CD2AP: variants seen among roughly 807,000 people sequenced by gnomAD.
The protein encoded by CD2AP is CD2 associated protein.
CD2AP carries 46 observed loss-of-function variants against 85.1 expected under a neutral mutation model. That is an observed-to-expected ratio of 0.54 (90% confidence interval 0.43 to 0.69). The LOEUF (loss-of-function observed/expected upper bound fraction) is 0.69. Among genes scored for constraint, CD2AP ranks in the 30% least tolerant of loss-of-function variants. The probability of loss-of-function intolerance (pLI) is 0.00; values close to 1 mark genes in which losing one functional copy is unlikely to be tolerated. For synonymous variants in CD2AP, 255 were observed against 252.9 expected, an observed-to-expected ratio of 1.01 and a Z score of -0.08; for missense variants, 769 against 729.5, an observed-to-expected ratio of 1.05 and a Z score of -0.62.
chr6:47,483,528 G>C (rs1031919784), intron 1 of CD2AP, among the ~76,000 whole-genome samples: 1 of 152,148 alleles, frequency 6.6e-6, no homozygotes, highest in Admixed American at 6.5e-5. Context: ...GTGGGTATTT[G>C]CAGGAACAAA....
At chr6:47,546,182 C>T (rs181205331) in intron 4 of CD2AP, among the ~76,000 whole-genome samples, 13 of 151,848 alleles carry the variant, frequency 8.6e-5, no homozygotes, top group Non-Finnish European at 1.6e-4. Flanking sequence ...CTTCAGGAAA[C>T]AATGGATGCA....
chr6:47,500,170 T>TGGGA (rs767366553), intron 1 of CD2AP, among the ~76,000 whole-genome samples: 4 of 152,238 alleles, frequency 2.6e-5, no homozygotes, highest in Non-Finnish European at 5.9e-5. Flanking sequence ...CTATTTTTTA[T>TGGGA]TTTTTTGTAG....
At chr6:47,484,281 C>T (rs1247336610) in intron 1 of CD2AP, among the ~76,000 whole-genome samples, 2 of 151,792 alleles carry the variant, frequency 1.3e-5, no homozygotes, top group Non-Finnish European at 2.9e-5. Flanking sequence ...TTGGTTTTAA[C>T]CACAAATGAA....
intron 2 of CD2AP, among the ~76,000 whole-genome samples, chr6:47,512,509 G>T (rs1399236653): frequency 6.6e-6 from 1 of 152,202 alleles, no homozygotes. Flanking sequence ...GAATAGAAAT[G>T]CTGAATTGTT....
rs1768929739 is a variant in CD2AP, at chr6:47,595,939, C to G, written c.1187C>G (p.Thr396Ser). The G allele has an allele frequency of 1.2e-6, 2 of 1,612,596 alleles. No individual in the cohort carries two copies. Among genetic ancestry groups the G allele is most frequent in the African/African-American group, 2.7e-5 (2 of 74,858 alleles). ...CCACCCAAGAAACCTACTCCACCTACCAAAGCCAGTAATTTACTGAGATCT... is the reference window on the plus strand; with the variant it reads ...CCACCCAAGAAACCTACTCCACCTAGCAAAGCCAGTAATTTACTGAGATCT... The part of the protein sequence containing the change: ...QVPPKKPTPP[T>S]KASNLLRSSG... The change falls in exon 12 of 18, where the codon ACC becomes AGC. Residue 396 changes from threonine to serine, a missense_variant. Coordinates refer to ENST00000359314, the MANE Select transcript of CD2AP (RefSeq NM_012120.3).
intron 4 of CD2AP, among the ~76,000 whole-genome samples, chr6:47,547,415 C>T (rs1396956793): frequency 6.6e-6 from 1 of 152,022 alleles, no homozygotes; most frequent in African/African-American, 2.4e-5. Context: ...AAATCAACAG[C>T]AGTTTAAAAA....
chr6:47,534,911 C>A (rs549243922), intron 3 of CD2AP, among the ~76,000 whole-genome samples: 1 of 130,814 alleles, frequency 7.6e-6, no homozygotes, highest in African/African-American at 2.6e-5. Flanking sequence ...TTTCCCATTT[C>A]AGGCTACTGA....
chr6:47,575,227 G>A (rs1768273655), intron 6 of CD2AP, among the ~76,000 whole-genome samples: 1 of 152,154 alleles, frequency 6.6e-6, no homozygotes, highest in Admixed American at 6.5e-5. Context: ...GAATTCTCAT[G>A]GTTTTTGGGG....
rs34735056 is a variant in CD2AP at position 47,579,334 on chromosome 6, T to TAAAA, written c.904-40_904-37dup. The TAAAA allele has an allele frequency of 0.013, 10,200 of 800,032 alleles. 66 individuals carry two copies. The highest frequency in any genetic ancestry group is 0.021 in the Middle Eastern group (76 of 3,680). 49.6% of individuals were successfully genotyped at this position (800,032 alleles called of 1,614,324 possible). A position where few individuals can be genotyped will look rare whatever the true frequency, so the allele number is the denominator to read the frequency against. ...TGGCCAACAGAGCAACACTTTATCT[T>TAAAA]AAAAAAAAAAAAAAGGTCTATTGTC... On this transcript the variant is annotated intron_variant, in intron 8 of 17. Transcript: ENST00000359314.
At chr6:47,533,145 A>T (rs1174352768) in intron 2 of CD2AP, among the ~76,000 whole-genome samples, 1 of 152,260 alleles carries the variant, frequency 6.6e-6, no homozygotes, top group Non-Finnish European at 1.5e-5. Context: ...ATAAAGTTTT[A>T]TTGGAACATA....
chr6:47,545,449 C>T (rs1767339064), intron 4 of CD2AP, among the ~76,000 whole-genome samples: 1 of 152,164 alleles, frequency 6.6e-6, no homozygotes, highest in African/African-American at 2.4e-5. Context: ...GGCATATACT[C>T]TTGGGAGCTC....
intron 5 of CD2AP, among the ~76,000 whole-genome samples, chr6:47,566,319 T>TAC (rs1309122024): frequency 6.0e-5 from 6 of 100,462 alleles, no homozygotes; most frequent in Admixed American, 1.9e-4. Context: ...TATATATATA[T>TAC]ATATACACAT....
At chr6:47,617,180 A>C (rs370020205) in intron 17 of CD2AP, among the ~76,000 whole-genome samples, 42 of 152,058 alleles carry the variant, frequency 2.8e-4, no homozygotes, top group African/African-American at 9.9e-4. Context: ...GCCCAGGTTG[A>C]TCTTGAACTC....
intron 13 of CD2AP, among the ~76,000 whole-genome samples, chr6:47,603,817 A>G (rs1379736842): frequency 1.3e-5 from 2 of 151,962 alleles, no homozygotes; most frequent in African/African-American, 4.8e-5. Context: ...AAATTATTCT[A>G]CCCTTCTCCA....
intron 2 of CD2AP, among the ~76,000 whole-genome samples, chr6:47,511,620 C>G (rs140938422): frequency 7.6e-4 from 115 of 152,104 alleles, no homozygotes; most frequent in Non-Finnish European, 1.4e-3. Flanking sequence ...TCCTTTGTAA[C>G]TCTTCTGTAA....
chr6:47,566,133 T>C (rs1348327331), intron 5 of CD2AP, among the ~76,000 whole-genome samples: 5 of 151,966 alleles, frequency 3.3e-5, no homozygotes, highest in Non-Finnish European at 7.4e-5. Flanking sequence ...TTCAGGATTC[T>C]CTCAGAAATC....
At chr6:47,501,844 T>G (rs1272828243) in intron 1 of CD2AP, among the ~76,000 whole-genome samples, 2 of 152,208 alleles carry the variant, frequency 1.3e-5, no homozygotes, top group East Asian at 3.8e-4. Context: ...ATCCTGTTAT[T>G]AAAAGAGGTA....
intron 1 of CD2AP, among the ~76,000 whole-genome samples, chr6:47,494,791 C>T: frequency 6.6e-6 from 1 of 152,156 alleles, no homozygotes; most frequent in East Asian, 1.9e-4. Flanking sequence ...AGTGTTTGTA[C>T]TGGATTGAAT....
At chr6:47,558,801 G>A (rs866223447) in intron 5 of CD2AP, among the ~76,000 whole-genome samples, 35 of 152,186 alleles carry the variant, frequency 2.3e-4, no homozygotes, top group Middle Eastern at 6.8e-3. Context: ...TGTTGTGTCC[G>A]TGCCAAGTTT....
Sources: gnomAD v4.1 joint callset for allele counts (sites outside exome capture counted in the v4.1 genomes callset) on GRCh38, gnomAD v4.1.1 for gene constraint, MANE v1.5 for transcripts, NCBI Gene and HGNC (gene_info 2026-07-23, HGNC 2026-07-21) for gene names.